CDH13: variants seen among roughly 807,000 people sequenced by gnomAD.
The protein encoded by CDH13 is cadherin 13.
CDH13 carries 24 observed loss-of-function variants against 63.8 expected under a neutral mutation model. The observed-to-expected ratio is 0.38, with a 90% confidence interval of 0.27 to 0.53. The LOEUF is 0.53. Ranked by LOEUF, CDH13 falls within the 20% of genes least tolerant of loss-of-function variation. CDH13 has a pLI of 0.85. For synonymous variants in CDH13, 503 were observed against 355.3 expected (o/e 1.42, Z -4.67); for missense variants, 1,049 against 903.1 (o/e 1.16, Z -2.07).
intron 6 of CDH13, among the ~76,000 whole-genome samples, chr16:83,458,472 C>G (rs941308443): frequency 6.6e-6 from 1 of 152,160 alleles, no homozygotes; most frequent in African/African-American, 2.4e-5. Context: ...TATCTACAGA[C>G]AGGTCTTTGT....
rs185464094 is a variant in CDH13 at position 83,389,652 on chromosome 16, C to G, written c.781+44646C>G. Among the ~76,000 whole-genome samples, 59 of 152,326 alleles carry G rather than the reference C, an allele frequency of 3.9e-4. No individual in the cohort carries two copies. In the East Asian group the frequency reaches 0.011, roughly 28 times the overall value. On this transcript the variant is annotated intron_variant, in intron 6 of 13. Coordinates refer to ENST00000567109, the MANE Select transcript of CDH13 (RefSeq NM_001257.5). The stretch of plus-strand genomic sequence containing the variant: ...ATCTGGTCACTTCCTTATGGTGTCA[C>G]ATAGCTTGTTGCTCTGTCCTGGGGT...
At chr16:83,389,820 G>A (rs941960571) in intron 6 of CDH13, among the ~76,000 whole-genome samples, 26 of 152,344 alleles carry the variant, frequency 1.7e-4, no homozygotes, top group African/African-American at 6.0e-4. Flanking sequence ...AGGTGTCCTA[G>A]ATCATTCAGC....
intron 1 of CDH13, among the ~76,000 whole-genome samples, chr16:82,833,130 A>T (rs1249334015): frequency 6.6e-6 from 1 of 152,204 alleles, no homozygotes; most frequent in Non-Finnish European, 1.5e-5. Flanking sequence ...AGACCAGTGA[A>T]CTCAGACCCG....
At chr16:83,060,751 G>T (rs1230060818) in intron 3 of CDH13, among the ~76,000 whole-genome samples, 2 of 152,140 alleles carry the variant, frequency 1.3e-5, no homozygotes, top group Admixed American at 6.5e-5. Flanking sequence ...TTTTTTAAAA[G>T]CAGGTAATAA....
At chr16:83,237,499 C>T (rs1030045603) in intron 5 of CDH13, among the ~76,000 whole-genome samples, 2 of 152,208 alleles carry the variant, frequency 1.3e-5, no homozygotes, top group Non-Finnish European at 2.9e-5. Flanking sequence ...TAGTAGTCCA[C>T]GTGGTGACTA....
chr16:83,105,289 A>G (rs1309428107), intron 3 of CDH13, among the ~76,000 whole-genome samples: 1 of 152,242 alleles, frequency 6.6e-6, no homozygotes, highest in Non-Finnish European at 1.5e-5. Context: ...TTTGATACAA[A>G]GTCAAACGCT....
chr16:83,389,546 C>T (rs1208770508), intron 6 of CDH13, among the ~76,000 whole-genome samples: 1 of 152,152 alleles, frequency 6.6e-6, no homozygotes, highest in African/African-American at 2.4e-5. Context: ...TCCTCAATCC[C>T]TTTATTTTAT....
chr16:82,728,227 C>T (rs1005873208), intron 1 of CDH13, among the ~76,000 whole-genome samples: 10 of 152,172 alleles, frequency 6.6e-5, no homozygotes, highest in African/African-American at 1.9e-4. Flanking sequence ...CACTGCTTCT[C>T]AGATGCAATC....
chr16:82,689,856 T>G (rs1381202498), intron 1 of CDH13, among the ~76,000 whole-genome samples: 1 of 151,556 alleles, frequency 6.6e-6, no homozygotes, highest in Non-Finnish European at 1.5e-5. Context: ...GATTAAGATC[T>G]TCTCATAGCT....
chr16:83,297,815 C>T (rs2089637932), intron 5 of CDH13, among the ~76,000 whole-genome samples: 1 of 152,066 alleles, frequency 6.6e-6, no homozygotes, highest in African/African-American at 2.4e-5. Context: ...GAAGGACATT[C>T]AAGATAGACT....
intron 7 of CDH13, among the ~76,000 whole-genome samples, chr16:83,536,580 G>A (rs1199395770): frequency 6.6e-6 from 1 of 152,104 alleles, no homozygotes; most frequent in Admixed American, 6.6e-5. Context: ...AGGCTGATGG[G>A]TTTTGTCTTT....
At chr16:83,019,871 A>G (rs1208854162) in intron 2 of CDH13, among the ~76,000 whole-genome samples, 6 of 151,528 alleles carry the variant, frequency 4.0e-5, no homozygotes, top group Admixed American at 3.3e-4. Context: ...AAACGATAGT[A>G]TATTAAATAT....
At chr16:82,645,421 T>C (rs1909975693) in intron 1 of CDH13, among the ~76,000 whole-genome samples, 2 of 152,064 alleles carry the variant, frequency 1.3e-5, no homozygotes, top group African/African-American at 4.8e-5. Context: ...ACTGTTGGGG[T>C]GAGGGGGGTT....
intron 1 of CDH13, among the ~76,000 whole-genome samples, chr16:82,839,955 C>G (rs1567588253): frequency 6.6e-6 from 1 of 152,096 alleles, no homozygotes; most frequent in Non-Finnish European, 1.5e-5. Flanking sequence ...TTGAAAATAT[C>G]CAAAGGACTG....
At chr16:83,458,788 C>G (rs1342555030) in intron 6 of CDH13, among the ~76,000 whole-genome samples, 1 of 152,204 alleles carries the variant, frequency 6.6e-6, no homozygotes, top group African/African-American at 2.4e-5. Flanking sequence ...GACATTCTGT[C>G]TGCTGATCGT....
At chr16:83,561,314 C>T (rs982125658) in intron 7 of CDH13, among the ~76,000 whole-genome samples, 2 of 150,640 alleles carry the variant, frequency 1.3e-5, no homozygotes, top group East Asian at 2.0e-4. Flanking sequence ...GGTGTGGTGA[C>T]GCATGGGAGG....
chr16:83,633,144 A>G (rs918086968), intron 8 of CDH13, among the ~76,000 whole-genome samples: 5 of 152,062 alleles, frequency 3.3e-5, no homozygotes, highest in Non-Finnish European at 5.9e-5. Context: ...TTCCTGATCT[A>G]AATCTTGTGC....
chr16:83,627,699 C>T lies in CDH13; in HGVS notation c.1101+25105C>T, dbSNP rs78736544. ...CCAAGTAGCTGGGGTTATAGGTACA[C>T]GCCACTGTTACCGGAAAGAGGTCCC... On this transcript the variant is annotated intron_variant, in intron 8 of 13. Coordinates refer to ENST00000567109, the MANE Select transcript of CDH13 (RefSeq NM_001257.5). 1.6e-3 allele frequency among the ~76,000 whole-genome samples: 238 copies of T among 152,236 alleles called. 2 individuals are homozygous for T. Among genetic ancestry groups the T allele is most frequent in the African/African-American group, 5.3e-3 (222 of 41,556 alleles).
At chr16:83,095,828 T>C (rs895979841) in intron 3 of CDH13, among the ~76,000 whole-genome samples, 2 of 152,230 alleles carry the variant, frequency 1.3e-5, no homozygotes, top group Non-Finnish European at 2.9e-5. Context: ...AGAATGTGTC[T>C]TTTCTTAAAG....
Sources: gnomAD v4.1 joint callset for allele counts (sites outside exome capture counted in the v4.1 genomes callset) on GRCh38, gnomAD v4.1.1 for gene constraint, MANE v1.5 for transcripts, NCBI Gene and HGNC (gene_info 2026-07-23, HGNC 2026-07-21) for gene names.